Variants in LRGUK observed in about 807,000 individuals in gnomAD.
LRGUK encodes leucine rich repeats and guanylate kinase domain containing.
Under a neutral mutation model 76.0 loss-of-function variants are expected in LRGUK, and 65 were observed. The ratio of observed to expected loss-of-function variants is 0.85; its 90% confidence interval spans 0.70 to 1.05. The LOEUF (loss-of-function observed/expected upper bound fraction) is 1.05. LRGUK is among the 50% of genes least tolerant of loss of function. LRGUK has a pLI of 0.00. For missense variants in LRGUK, 758 were observed against 732.8 expected, an observed-to-expected ratio of 1.03 and a Z score of -0.40; for synonymous variants, 268 against 265.6, an observed-to-expected ratio of 1.01 and a Z score of -0.09.
At chr7:134,263,739 T>C in intron 19 of LRGUK, 106 bp from the exon 20 acceptor site, 1 of 1,124,626 alleles carries the variant, frequency 8.9e-7, no homozygotes. Context: ...TAGTTTGTCA[T>C]GAACGAATTC....
chr7:134,184,332 C>G (rs936169736), intron 11 of LRGUK, among the ~76,000 whole-genome samples: 2 of 150,718 alleles, frequency 1.3e-5, no homozygotes, highest in Non-Finnish European at 2.9e-5. Context: ...TGCAGTGGTG[C>G]GATCTCGGCT....
intron 5 of LRGUK, among the ~76,000 whole-genome samples, chr7:134,157,482 C>T (rs1351139446): frequency 6.6e-6 from 1 of 152,224 alleles, no homozygotes; most frequent in East Asian, 1.9e-4. Flanking sequence ...ATTTTTCTTT[C>T]CGTACTGATT....
At chr7:134,151,088 T>C (rs1404954161) in intron 5 of LRGUK, among the ~76,000 whole-genome samples, 1 of 152,202 alleles carries the variant, frequency 6.6e-6, no homozygotes, top group Non-Finnish European at 1.5e-5. Flanking sequence ...CTTCTTTCTC[T>C]CCTGTTCTGT....
At chr7:134,146,656 G>A (rs1379726200) in intron 4 of LRGUK, among the ~76,000 whole-genome samples, 2 of 152,112 alleles carry the variant, frequency 1.3e-5, no homozygotes, top group Non-Finnish European at 2.9e-5. Flanking sequence ...GTTGCTTGCT[G>A]TATTGCAATT....
At chr7:134,250,143 A>G (rs893516623) in intron 18 of LRGUK, among the ~76,000 whole-genome samples, 1 of 152,206 alleles carries the variant, frequency 6.6e-6, no homozygotes, top group Non-Finnish European at 1.5e-5. Context: ...AAGTGACCGG[A>G]AGAAAGCTCA....
At chr7:134,157,244 T>C (rs914466938) in intron 5 of LRGUK, among the ~76,000 whole-genome samples, 5 of 152,314 alleles carry the variant, frequency 3.3e-5, no homozygotes, top group Admixed American at 2.0e-4. Flanking sequence ...GAAAGGGCTG[T>C]TCCTTTCTCT....
chr7:134,210,413 C>T (rs1801207235), downstream of LRGUK, among the ~76,000 whole-genome samples: 1 of 152,156 alleles, frequency 6.6e-6, no homozygotes, highest in Non-Finnish European at 1.5e-5. Context: ...GAAAAGGACC[C>T]ATACCAACCT....
chr7:134,188,124 C>T (rs1343398606), intron 11 of LRGUK, among the ~76,000 whole-genome samples: 10 of 152,306 alleles, frequency 6.6e-5, no homozygotes, highest in Non-Finnish European at 1.5e-5. Context: ...GTGAAATGAA[C>T]AGGCATGGTT....
exon 7 of LRGUK, chr7:134,163,524 A>C (rs1282655925): frequency 6.2e-7 from 1 of 1,612,492 alleles, no homozygotes; most frequent in South Asian, 1.1e-5. Context: ...GAAGTGATCA[A>C]CCTGGAGGAT....
At chr7:134,175,053 G>C (rs988288832) in intron 8 of LRGUK, among the ~76,000 whole-genome samples, 1 of 152,208 alleles carries the variant, frequency 6.6e-6, no homozygotes, top group Non-Finnish European at 1.5e-5. Flanking sequence ...ACAGGGGAAA[G>C]AAAATCTAAG....
chr7:134,155,294 G>A (rs1585451981), intron 5 of LRGUK, among the ~76,000 whole-genome samples: 1 of 152,092 alleles, frequency 6.6e-6, no homozygotes, highest in Non-Finnish European at 1.5e-5. Flanking sequence ...CAAAGATCTG[G>A]TCTTTGTTCT....
intron 5 of LRGUK, among the ~76,000 whole-genome samples, chr7:134,152,490 C>T (rs1563147398): frequency 2.0e-5 from 3 of 151,832 alleles, no homozygotes; most frequent in African/African-American, 4.8e-5. Context: ...CGAAGAGATA[C>T]CAGCCTCATT....
intron 7 of LRGUK, among the ~76,000 whole-genome samples, chr7:134,173,340 C>CCATT (rs1799339831): frequency 6.6e-6 from 1 of 152,148 alleles, no homozygotes; most frequent in Non-Finnish European, 1.5e-5. Flanking sequence ...TGCATTTTAG[C>CCATT]TGTGTATTGT....
intron 15 of LRGUK, among the ~76,000 whole-genome samples, chr7:134,207,508 A>T (rs1442923098): frequency 2.0e-5 from 3 of 152,242 alleles, no homozygotes; most frequent in Non-Finnish European, 4.4e-5. Context: ...CTGCACCAAG[A>T]GGGAAGCCTT....
At chr7:134,227,774 A>T (rs1188296700) in intron 16 of LRGUK, among the ~76,000 whole-genome samples, 1 of 152,236 alleles carries the variant, frequency 6.6e-6, no homozygotes, top group Non-Finnish European at 1.5e-5. Flanking sequence ...ATTGATACCC[A>T]ATTAGACACA....
chr7:134,202,264 G>A (rs1800801270), intron 15 of LRGUK, among the ~76,000 whole-genome samples: 2 of 151,844 alleles, frequency 1.3e-5, no homozygotes, highest in Non-Finnish European at 2.9e-5. Flanking sequence ...GTATTTAAAA[G>A]TCTCCCTTTA....
intron 11 of LRGUK, among the ~76,000 whole-genome samples, chr7:134,191,452 C>T (rs1373311683): frequency 6.6e-6 from 1 of 152,066 alleles, no homozygotes; most frequent in African/African-American, 2.4e-5. Context: ...TATGGATAAT[C>T]CAAATTTTGT....
intron 19 of LRGUK, among the ~76,000 whole-genome samples, chr7:134,262,305 C>G (rs879501557): frequency 6.6e-6 from 1 of 152,136 alleles, no homozygotes; most frequent in African/African-American, 2.4e-5. Flanking sequence ...ACCCGGTAGG[C>G]GGTGGTTGCA....
chr7:134,190,366 C>G (rs1800149172), intron 11 of LRGUK, among the ~76,000 whole-genome samples: 1 of 152,126 alleles, frequency 6.6e-6, no homozygotes, highest in Non-Finnish European at 1.5e-5. Context: ...GCCACCACAC[C>G]TGGCTAATTT....
Sources: allele counts gnomAD v4.1 joint callset (sites outside exome capture counted in the v4.1 genomes callset), GRCh38; gene constraint gnomAD v4.1.1; transcripts MANE v1.5; gene names NCBI Gene and HGNC (gene_info 2026-07-23, HGNC 2026-07-21).